Variants in WASHC4 observed in about 807,000 individuals in gnomAD.
WASHC4 encodes the protein WASH complex subunit 4.
A neutral mutation model predicts 166.6 loss-of-function variants in WASHC4; 86 were observed. That is an observed-to-expected ratio of 0.52 (90% CI 0.43 to 0.62). The LOEUF (loss-of-function observed/expected upper bound fraction) is 0.62, where lower values mean the gene tolerates loss of function less well. Among genes scored for constraint, WASHC4 ranks in the 20% least tolerant of loss-of-function variants. WASHC4 has a pLI of 0.00. For synonymous variants in WASHC4, 446 were observed against 451.6 expected, an observed-to-expected ratio of 0.99 and a Z score of 0.16; for missense variants, 1,262 against 1,382.4, an observed-to-expected ratio of 0.91 and a Z score of 1.38.
chr12:105,132,728 G>A (rs1011681307), intron 13 of WASHC4, among the ~76,000 whole-genome samples: 1 of 150,978 alleles, frequency 6.6e-6, no homozygotes, highest in African/African-American at 2.4e-5. Context: ...GCAGTTTCTT[G>A]TTCTGTTTGG....
intron 2 of WASHC4, among the ~76,000 whole-genome samples, chr12:105,111,650 T>C (rs781177903): frequency 9.2e-5 from 14 of 152,200 alleles, no homozygotes; most frequent in Non-Finnish European, 1.9e-4. Flanking sequence ...GTAACTCATA[T>C]CCCAATTAAG....
In WASHC4 at chr12:105,149,598, G is replaced by A; in HGVS notation, c.2515-17G>A. 7.3e-7 allele frequency: 1 copy of A among 1,375,566 alleles called. No individual in the cohort carries two copies. The highest frequency in any genetic ancestry group is 1.3e-5 in the South Asian group (1 of 79,772). The allele number at this position is 1,375,566 out of a possible 1,614,324, so 85.2% of individuals were successfully genotyped here. On this transcript the variant is annotated splice_polypyrimidine_tract_variant and intron_variant, in intron 24 of 32. Coordinates refer to ENST00000332180, the MANE Select transcript of WASHC4 (RefSeq NM_015275.3). ...TTATATTAACTTTTTTCAACTTTTT[G>A]AATTTTAATTTTATAGGTTAATTTC...
chr12:105,140,145 A>T, intron 15 of WASHC4, 149 bp from the exon 16 acceptor site: 1 of 633,634 alleles, frequency 1.6e-6, no homozygotes, highest in Non-Finnish European at 2.8e-6. Context: ...TGCTGGGATT[A>T]CAGGCGTGAG....
chr12:105,135,783 T>C (rs1882263884), intron 14 of WASHC4, among the ~76,000 whole-genome samples: 1 of 152,160 alleles, frequency 6.6e-6, no homozygotes, highest in Middle Eastern at 3.2e-3. Flanking sequence ...GATACTTGAT[T>C]TTGTGTTTTA....
At chr12:105,120,513 A>C in intron 7 of WASHC4, 42 bp from the exon 8 acceptor site, 1 of 1,237,284 alleles carries the variant, frequency 8.1e-7, no homozygotes, top group Non-Finnish European at 1.2e-6. Context: ...AAACTATGAC[A>C]AAAAGGAAGT....
At chr12:105,118,619 A>G (rs953671372) in intron 7 of WASHC4, 91 bp downstream of exon 7, 6 of 801,098 alleles carry the variant, frequency 7.5e-6, no homozygotes, top group African/African-American at 3.4e-5. Context: ...TTTTTCTTTC[A>G]TTCAGCATTC....
At chr12:105,121,280 T>A (rs933728586) in intron 9 of WASHC4, 76 bp downstream of exon 9, 1 of 870,848 alleles carries the variant, frequency 1.1e-6, no homozygotes, top group African/African-American at 1.7e-5. Flanking sequence ...TAAACAGATA[T>A]AAATAATACA....
In WASHC4 at chr12:105,144,449, A is replaced by G. The variant is rs1200215302; in HGVS notation, c.2173A>G (p.Ile725Val). The G allele has an allele frequency of 3.1e-6, 5 of 1,609,314 alleles. No homozygotes were observed. The highest frequency in any genetic ancestry group is 8.5e-7 in the Non-Finnish European group (1 of 1,178,206). ...PIRFFNRFID[I>V]RAYVTHYLDK... ...TCGGTTTTTCAATCGTTTCATTGAC[A>G]TTCGGGGTGAGTGTTTTGCTTTCCT... is the stretch of plus-strand genomic sequence containing the variant. The change falls in exon 21 of 33, where the codon ATT becomes GTT. Residue 725 changes from isoleucine (I) to valine (V), a missense_variant. Ile to Val is a conservative substitution (Grantham distance 29, BLOSUM62 3). Transcript: ENST00000332180.
rs758382729 is a variant in WASHC4, at chr12:105,141,001, C to A, written c.1663C>A (p.Arg555=). 1.2e-6 allele frequency: 2 copies of A among 1,614,030 alleles called. No homozygotes were observed. The highest frequency in any genetic ancestry group is 2.2e-5 in the East Asian group (1 of 44,888). ...TCTAAATGGACCAAGCACAAAGCAA[C>A]GGCGACTTATTGTTTCTTTGGCACT... The part of the protein sequence containing the change: ...NTLNGPSTKQ[R]RLIVSLALSV... The change falls in exon 17 of 33, where the codon CGG becomes AGG. Residue 555 remains arginine, a synonymous_variant. Coordinates refer to ENST00000332180, the MANE Select transcript of WASHC4 (RefSeq NM_015275.3).
chr12:105,142,580 G>T (rs369064366), intron 19 of WASHC4, 22 bp downstream of exon 19: 66 of 1,255,364 alleles, frequency 5.3e-5, no homozygotes, highest in Non-Finnish European at 7.5e-5. Context: ...ACAATATAAA[G>T]AATAATTCTA....
At chr12:105,109,137 T>C (rs374900337) in intron 1 of WASHC4, among the ~76,000 whole-genome samples, 118 of 152,212 alleles carry the variant, frequency 7.8e-4, no homozygotes, top group Non-Finnish European at 1.3e-3. Flanking sequence ...TTAGCTCTTA[T>C]GCAGCATAAA....
At chr12:105,117,347 T>C (rs1880283972) in intron 6 of WASHC4, among the ~76,000 whole-genome samples, 1 of 152,198 alleles carries the variant, frequency 6.6e-6, no homozygotes, top group South Asian at 2.1e-4. Flanking sequence ...TATATCTAAA[T>C]TTTGCTTTTT....
chr12:105,158,533 C>T (rs958412828), intron 28 of WASHC4, among the ~76,000 whole-genome samples: 17 of 151,924 alleles, frequency 1.1e-4, no homozygotes, highest in Non-Finnish European at 2.5e-4. Context: ...AAACACTTGG[C>T]CTGGACAAAA....
At position 105,124,135 on chromosome 12, in the gene WASHC4, T is replaced by C. The variant is rs548509178; in HGVS notation, c.787-1869T>C. Among the ~76,000 whole-genome samples the C allele has an allele frequency of 1.0e-3, 156 of 151,226 alleles. 4 individuals carry two copies. In the East Asian group the frequency reaches 0.025, roughly 24 times the overall value. On this transcript the variant is annotated intron_variant, in intron 10 of 32. Coordinates refer to ENST00000332180, the MANE Select transcript of WASHC4 (RefSeq NM_015275.3). ...AAATATAACTTTTTTTTTTTTTTTT[T>C]CGAGACGGACTTTCACTCTTGTTGC...
intron 13 of WASHC4, among the ~76,000 whole-genome samples, chr12:105,132,105 TAA>T (rs1881878362): frequency 1.3e-5 from 2 of 152,238 alleles, no homozygotes; most frequent in African/African-American, 4.8e-5. Flanking sequence ...AAGAAGATTT[TAA>T]AAGAGTTGGT....
chr12:105,152,612 G>C (rs1005363147), intron 26 of WASHC4, among the ~76,000 whole-genome samples, 161 bp downstream of exon 26: 3 of 152,146 alleles, frequency 2.0e-5, no homozygotes, highest in African/African-American at 2.4e-5. Flanking sequence ...AGTATGATTA[G>C]ACTGTTGCTG....
chr12:105,116,317 A>C (rs1293025877), intron 6 of WASHC4, among the ~76,000 whole-genome samples: 1 of 152,186 alleles, frequency 6.6e-6, no homozygotes, highest in African/African-American at 2.4e-5. Flanking sequence ...GTTGAGTACA[A>C]GATTTGATAT....
chr12:105,128,658 A>G (rs1881507088), intron 13 of WASHC4, among the ~76,000 whole-genome samples: 2 of 152,244 alleles, frequency 1.3e-5, no homozygotes, highest in Non-Finnish European at 2.9e-5. Context: ...ACTGGTAAGT[A>G]TATAATGCAA....
intron 6 of WASHC4, among the ~76,000 whole-genome samples, chr12:105,117,129 A>G (rs1329412492): frequency 1.3e-5 from 2 of 152,200 alleles, no homozygotes; most frequent in African/African-American, 2.4e-5. Context: ...TTCCTTAGCT[A>G]TGATCATGAT....
Sources: gnomAD v4.1 joint callset for allele counts (sites outside exome capture counted in the v4.1 genomes callset) on GRCh38, gnomAD v4.1.1 for gene constraint, MANE v1.5 for transcripts, NCBI Gene and HGNC (gene_info 2026-07-23, HGNC 2026-07-21) for gene names.